The following AKT3 variants were observed in gnomAD, a reference collection of about 807,000 sequenced individuals.
AKT3 encodes AKT serine/threonine kinase 3.
In AKT3, 15 loss-of-function variants were observed where a neutral mutation model predicts 65.3. The observed-to-expected ratio is 0.23, with a 90% CI of 0.15 to 0.35. The LOEUF is 0.35. Among genes scored for constraint, AKT3 ranks in the 10% least tolerant of loss-of-function variants. AKT3 has a pLI of 1.00. For missense variants in AKT3, 243 were observed against 576.5 expected (o/e 0.42, Z 5.92); for synonymous variants, 206 against 183.8 (o/e 1.12, Z -0.98).
At chr1:243,813,561 G>C (rs1410423825) in intron 2 of AKT3, among the ~76,000 whole-genome samples, 1 of 151,748 alleles carries the variant, frequency 6.6e-6, no homozygotes, top group African/African-American at 2.4e-5. Flanking sequence ...TATAACGTTA[G>C]ATTTTTATTT....
At chr1:243,700,367 T>A (rs189228123) in intron 2 of AKT3, among the ~76,000 whole-genome samples, 1 of 152,328 alleles carries the variant, frequency 6.6e-6, no homozygotes, top group African/African-American at 2.4e-5. Flanking sequence ...CCACCTTTCT[T>A]ACTTCACTTA....
intron 2 of AKT3, chr1:243,808,308 G>C (rs948175180): frequency 6.6e-6 from 1 of 152,154 alleles, no homozygotes; most frequent in Non-Finnish European, 1.5e-5. Context: ...TGGCTAACTA[G>C]AATAACCAAT....
chr1:243,727,597 A>G (rs915626192), intron 2 of AKT3, among the ~76,000 whole-genome samples: 1 of 152,160 alleles, frequency 6.6e-6, no homozygotes, highest in Admixed American at 6.5e-5. Flanking sequence ...GTTTATTATT[A>G]TAAGGACTCT....
intron 12 of AKT3, among the ~76,000 whole-genome samples, chr1:243,517,811 G>A (rs1000101829): frequency 1.3e-5 from 2 of 152,186 alleles, no homozygotes; most frequent in Admixed American, 1.3e-4. Flanking sequence ...ATTGATACGA[G>A]TAAGATTAAA....
intron 2 of AKT3, among the ~76,000 whole-genome samples, chr1:243,828,455 A>C (rs956162799): frequency 7.9e-5 from 12 of 152,158 alleles, no homozygotes; most frequent in African/African-American, 2.7e-4. Flanking sequence ...ACCCTTAATA[A>C]CATGGGTTTA....
chr1:243,660,852 C>A (rs1370757841), intron 4 of AKT3, among the ~76,000 whole-genome samples: 1 of 152,212 alleles, frequency 6.6e-6, no homozygotes, highest in South Asian at 2.1e-4. Flanking sequence ...TGATAAGCAA[C>A]TTCAGCAAAG....
intron 2 of AKT3, among the ~76,000 whole-genome samples, chr1:243,744,285 G>A (rs1369646782): frequency 1.3e-5 from 2 of 152,164 alleles, no homozygotes; most frequent in Non-Finnish European, 2.9e-5. Context: ...GGGACATAGT[G>A]ACTGTAAGGG....
intron 4 of AKT3, among the ~76,000 whole-genome samples, chr1:243,647,907 T>G (rs1680964704): frequency 1.3e-5 from 2 of 152,202 alleles, no homozygotes; most frequent in African/African-American, 2.4e-5. Flanking sequence ...CTTAATCAAC[T>G]AAGTTCTATT....
intron 3 of AKT3, among the ~76,000 whole-genome samples, chr1:243,679,103 CTCT>C (rs1683736257): frequency 6.6e-6 from 1 of 152,150 alleles, no homozygotes; most frequent in African/African-American, 2.4e-5. Context: ...AATATATTTT[CTCT>C]TCCTTATGAT....
chr1:243,763,894 A>G (rs1292529722), intron 2 of AKT3, among the ~76,000 whole-genome samples: 1 of 152,080 alleles, frequency 6.6e-6, no homozygotes, highest in Non-Finnish European at 1.5e-5. Flanking sequence ...TTTAATTTCA[A>G]AAGACTTGTA....
chr1:243,500,153 A>G lies in AKT3; in HGVS notation c.*5096T>C, dbSNP rs544459823. 11 of 299,440 alleles carry G rather than the reference A, an allele frequency of 3.7e-5. No individual in the cohort carries two copies. Among genetic ancestry groups the G allele is most frequent in the Non-Finnish European group, 6.3e-5 (10 of 159,474 alleles). 18.5% of individuals were successfully genotyped at this position (299,440 alleles called of 1,614,324 possible). A position where few individuals can be genotyped will look rare whatever the true frequency, so the allele number is the denominator to read the frequency against. On this transcript the variant is annotated 3_prime_UTR_variant, in exon 14 of 14. Coordinates refer to ENST00000673466, the MANE Select transcript of AKT3 (RefSeq NM_005465.7). ...TGAACAAAACACACCAAAAAGGCAC[A>G]TATTTTAACTAGGCCAAAGTATATT... is the stretch of plus-strand genomic sequence containing the variant.
intron 6 of AKT3, among the ~76,000 whole-genome samples, chr1:243,630,922 A>G (rs1474045145): frequency 1.3e-5 from 2 of 152,076 alleles, no homozygotes; most frequent in African/African-American, 2.4e-5. Context: ...CTCTACATCA[A>G]TAGACCTGGG....
At chr1:243,720,723 G>C (rs1686837479) in intron 2 of AKT3, among the ~76,000 whole-genome samples, 1 of 152,028 alleles carries the variant, frequency 6.6e-6, no homozygotes, top group South Asian at 2.1e-4. Context: ...TAAATATTAA[G>C]GGTTAATACA....
chr1:243,848,621 G>A (rs1695614265), intron 1 of AKT3, among the ~76,000 whole-genome samples: 2 of 152,154 alleles, frequency 1.3e-5, no homozygotes, highest in Middle Eastern at 3.2e-3. Context: ...GCCTAGTGAT[G>A]TATAGTTCTA....
chr1:243,618,044 GAAAAGATA>G (rs1258138815), intron 6 of AKT3, among the ~76,000 whole-genome samples: 6 of 152,164 alleles, frequency 3.9e-5, no homozygotes, highest in Non-Finnish European at 8.8e-5. Context: ...TTTAGAAATA[GAAAAGATA>G]TTCTAGTGCT....
chr1:243,498,677 T>C (rs1396450328), downstream of AKT3, among the ~76,000 whole-genome samples: 2 of 152,266 alleles, frequency 1.3e-5, no homozygotes, highest in African/African-American at 2.4e-5. Flanking sequence ...TATATTTCTC[T>C]TGAATGCGGA....
intron 8 of AKT3, among the ~76,000 whole-genome samples, chr1:243,586,465 T>A (rs561852368): frequency 6.6e-6 from 1 of 152,298 alleles, no homozygotes; most frequent in East Asian, 1.9e-4. Context: ...TGCAGAACTA[T>A]TCACAACAGC....
chr1:243,824,509 T>A (rs914397736), intron 2 of AKT3, among the ~76,000 whole-genome samples: 3 of 152,154 alleles, frequency 2.0e-5, no homozygotes, highest in Admixed American at 6.5e-5. Flanking sequence ...TCTATCCATC[T>A]GACAAAGGGC....
chr1:243,834,556 G>A (rs1473717529), intron 2 of AKT3, among the ~76,000 whole-genome samples: 1 of 152,152 alleles, frequency 6.6e-6, no homozygotes, highest in African/African-American at 2.4e-5. Context: ...GTACTTTAGA[G>A]AGTATACACT....
Sources: allele counts gnomAD v4.1 joint callset (sites outside exome capture counted in the v4.1 genomes callset), GRCh38; gene constraint gnomAD v4.1.1; transcripts MANE v1.5; gene names NCBI Gene and HGNC (gene_info 2026-07-23, HGNC 2026-07-21).